The following TRIM54 variants were observed in gnomAD, a reference collection of about 807,000 sequenced individuals.
The protein encoded by TRIM54 is tripartite motif containing 54, also known as tripartite motif-containing protein 54.
TRIM54 carries 40 observed loss-of-function variants against 42.0 expected under a neutral mutation model. The observed-to-expected ratio is 0.95, with a 90% CI of 0.74 to 1.24. The LOEUF (loss-of-function observed/expected upper bound fraction) is 1.24, where lower values mean the gene tolerates loss of function less well. Ranked by LOEUF, TRIM54 falls within the 50% of genes most tolerant of loss-of-function variation. The pLI is 0.00. For missense variants in TRIM54, 485 were observed against 480.3 expected (o/e 1.01, Z -0.09); for synonymous variants, 199 against 194.9 (o/e 1.02, Z -0.17).
chr2:27,305,055 G>T lies in TRIM54; in HGVS notation c.609+1G>T. 1 of 1,613,424 alleles carries T rather than the reference G, an allele frequency of 6.2e-7. No homozygotes were observed. The highest frequency in any genetic ancestry group is 8.5e-7 in the Non-Finnish European group (1 of 1,179,660). On this transcript the variant is annotated splice_donor_variant, in intron 4 of 8. Transcript: ENST00000380075. LOFTEE classifies it high-confidence loss of function. Reference sequence around the variant, plus strand: ...GGAGGAGGTGTGCCAGACTATCGAGGTGAGCCTGGGCTGGAGGGAGGGAGG... The same window carrying T: ...GGAGGAGGTGTGCCAGACTATCGAGTTGAGCCTGGGCTGGAGGGAGGGAGG...
At chr2:27,289,476 C>T (rs943969174) in intron 1 of TRIM54, among the ~76,000 whole-genome samples, 2 of 152,110 alleles carry the variant, frequency 1.3e-5, no homozygotes, top group African/African-American at 4.8e-5. Flanking sequence ...GCCACCACAC[C>T]TGGCTAATTT....
intron 1 of TRIM54, among the ~76,000 whole-genome samples, chr2:27,283,768 A>ACACGCACGCGCGCG (rs1330074571): frequency 2.9e-4 from 27 of 93,924 alleles, no homozygotes; most frequent in Admixed American, 1.2e-3. Context: ...GCAAAGGCAC[A>ACACGCACGCGCGCG]CACACACACA....
At position 27,306,784 on chromosome 2, in the gene TRIM54, G is replaced by C. The variant is rs1679231164; in HGVS notation, c.*2-103G>C. On this transcript the variant is annotated intron_variant, in intron 8 of 8. Transcript: ENST00000380075. The surrounding 1 kb of genome is among the most constrained non-coding windows in gnomAD (Gnocchi z 6.1). ...GCTGGGAGGGCAGGCAAGGCAGGCT[G>C]AGTAGAGGAGAAACCCACGTGGCGG... 1 of 566,320 alleles carries C rather than the reference G, an allele frequency of 1.8e-6. No individual in the cohort carries two copies. The highest frequency in any genetic ancestry group is 1.9e-5 in the African/African-American group (1 of 52,924). The allele number at this position is 566,320 out of a possible 1,614,324, so 35.1% of individuals were successfully genotyped here.
At position 27,306,674 on chromosome 2, in the gene TRIM54, G is replaced by A. The variant is rs773776429; in HGVS notation, c.*1+132G>A. 2.2e-5 allele frequency: 22 copies of A among 988,124 alleles called. No homozygotes were observed. Among genetic ancestry groups the A allele is most frequent in the Non-Finnish European group, 2.9e-5 (20 of 682,676 alleles). The allele number at this position is 988,124 out of a possible 1,614,324, so 61.2% of individuals were successfully genotyped here. A position where few individuals can be genotyped will look rare whatever the true frequency, so the allele number is the denominator to read the frequency against. On this transcript the variant is annotated intron_variant, in intron 8 of 8. Coordinates refer to ENST00000380075, the MANE Select transcript of TRIM54 (RefSeq NM_187841.3). The surrounding 1 kb of genome is among the most constrained non-coding windows in gnomAD (Gnocchi z 6.1). ...GGTAGCGTGGAGCCCCCACTCCTCG[G>A]TGCAACCCAACCCCGGAGCCACAAA...
In TRIM54 at chr2:27,282,653, C is replaced by T. The variant is rs947188823; in HGVS notation, c.-79C>T. On this transcript the variant is annotated 5_prime_UTR_variant, in exon 1 of 9. Transcript: ENST00000380075. ...TGAGCCACAGAAGGGAATCCAGAGG[C>T]CATCTAAGCGAGGAAGGGTCTACAG... 2.7e-6 allele frequency: 4 copies of T among 1,456,642 alleles called. No homozygotes were observed. The highest frequency in any genetic ancestry group is 3.7e-6 in the Non-Finnish European group (4 of 1,087,220). The allele number at this position is 1,456,642 out of a possible 1,614,324, so 90.2% of individuals were successfully genotyped here.
rs1678419960 is a variant in TRIM54 at position 27,282,814 on chromosome 2, T to C, written c.83T>C (p.Ile28Thr). The change falls in exon 1 of 9, where the codon ATC (isoleucine) becomes ACC (threonine). Residue 28 changes from isoleucine to threonine, a missense_variant. By Grantham distance (89) the Ile-to-Thr change is moderately conservative (BLOSUM62 -1). Coordinates refer to ENST00000380075, the MANE Select transcript of TRIM54 (RefSeq NM_187841.3). ...CTGGAGAAGCAGCTCATCTGCCCCA[T>C]CTGCCTGGAGATGTTCTCCAAACCA... ...DNLEKQLICP[I>T]CLEMFSKPVV... 6.2e-7 allele frequency: 1 copy of C among 1,613,932 alleles called. No individual in the cohort carries two copies. The highest frequency in any genetic ancestry group is 1.3e-5 in the African/African-American group (1 of 74,912).
intron 3 of TRIM54, among the ~76,000 whole-genome samples, chr2:27,300,758 C>G (rs1467536786): frequency 6.6e-6 from 1 of 151,948 alleles, no homozygotes; most frequent in Admixed American, 6.6e-5. Context: ...CCCAGCTACT[C>G]GGGAGGCTGA....
intron 3 of TRIM54, among the ~76,000 whole-genome samples, chr2:27,300,676 C>T (rs1462656469): frequency 7.0e-6 from 1 of 141,890 alleles, no homozygotes; most frequent in East Asian, 2.0e-4. Context: ...TTGAGACCAG[C>T]CTGAGCTGTG....
At chr2:27,284,667 G>T (rs1442006071) in intron 1 of TRIM54, among the ~76,000 whole-genome samples, 1 of 152,034 alleles carries the variant, frequency 6.6e-6, no homozygotes, top group Non-Finnish European at 1.5e-5. Context: ...CATCCTTCAG[G>T]CTGAGATGCC....
intron 1 of TRIM54, 83 bp downstream of exon 1, chr2:27,282,982 A>AGGTGATGGATAGAGTGCTCTCTGAGGTG: frequency 6.9e-7 from 1 of 1,441,674 alleles, no homozygotes; most frequent in South Asian, 1.4e-5. Context: ...AGACCCCAGA[A>AGGTGATGGATAGAGTGCTCTCTGAGGTG]GGTGATGGAT....
chr2:27,288,996 G>A (rs542942935), intron 1 of TRIM54, among the ~76,000 whole-genome samples: 6 of 152,298 alleles, frequency 3.9e-5, no homozygotes, highest in Admixed American at 6.5e-5. Flanking sequence ...CAGAAGATAG[G>A]ATTTTTCTAA....
At chr2:27,305,262 G>T (rs1215082150) in intron 4 of TRIM54, 6 of 598,812 alleles carry the variant, frequency 1.0e-5, no homozygotes, top group Admixed American at 5.9e-5. Flanking sequence ...TAACTTCTCT[G>T]TGCTTTGGTT....
Position 27,306,350 on chromosome 2 carries a change from G to A in TRIM54, c.991+13G>A. 1 of 1,614,038 alleles carries A rather than the reference G, an allele frequency of 6.2e-7. No homozygotes were observed. Among genetic ancestry groups the A allele is most frequent in the Non-Finnish European group, 8.5e-7 (1 of 1,179,952 alleles). ...GACTTCCAGCCAGGTGAAGGAGGTG[G>A]CCGAGGGCCGCTGAGACGGGTTCGG... On this transcript the variant is annotated intron_variant, in intron 7 of 8. Coordinates refer to ENST00000380075, the MANE Select transcript of TRIM54 (RefSeq NM_187841.3). The surrounding 1 kb of genome is among the most constrained non-coding windows in gnomAD (Gnocchi z 6.1).
At chr2:27,287,599 C>A (rs555798148) in intron 1 of TRIM54, among the ~76,000 whole-genome samples, 1 of 152,246 alleles carries the variant, frequency 6.6e-6, no homozygotes, top group South Asian at 2.1e-4. Context: ...TCATAGTCCA[C>A]TGTAACCTTG....
chr2:27,296,156 T>A (rs1297456544), intron 1 of TRIM54, among the ~76,000 whole-genome samples: 2 of 152,214 alleles, frequency 1.3e-5, no homozygotes, highest in African/African-American at 4.8e-5. Context: ...CCTACAGCCC[T>A]TGCTACCAAA....
At chr2:27,291,579 T>A (rs988341326) in intron 1 of TRIM54, among the ~76,000 whole-genome samples, 1 of 152,058 alleles carries the variant, frequency 6.6e-6, no homozygotes, top group Non-Finnish European at 1.5e-5. Context: ...GGAAACACAA[T>A]GAGGGCGTCT....
At chr2:27,285,746 A>G (rs1017534284) in intron 1 of TRIM54, among the ~76,000 whole-genome samples, 2 of 152,202 alleles carry the variant, frequency 1.3e-5, no homozygotes, top group Non-Finnish European at 2.9e-5. Context: ...ATAGCTGTGT[A>G]GTTTTCATTG....
Position 27,307,290 on chromosome 2 carries a change from T to G in TRIM54, c.*405T>G, listed in dbSNP as rs1485887084. The G allele has an allele frequency of 1.5e-6, 1 of 680,914 alleles. No homozygotes were observed. The highest frequency in any genetic ancestry group is 2.4e-6 in the Non-Finnish European group (1 of 421,036). 42.2% of individuals were successfully genotyped at this position (680,914 alleles called of 1,614,324 possible). A position where few individuals can be genotyped will look rare whatever the true frequency, so the allele number is the denominator to read the frequency against. ...TGGCTGACCTGGCTGAAAGCCGCTG[T>G]CTCGGAGCCCCCCACAGCATTTTGT... On this transcript the variant is annotated 3_prime_UTR_variant, in exon 9 of 9. Coordinates refer to ENST00000380075, the MANE Select transcript of TRIM54 (RefSeq NM_187841.3). This position sits in a 1 kb window ranked among gnomAD's most constrained non-coding sequence, Gnocchi z 6.9.
Position 27,304,944 on chromosome 2 carries a change from CTGTG to C in TRIM54, c.514-9_514-6del. On this transcript the variant is annotated splice_polypyrimidine_tract_variant and intron_variant, in intron 3 of 8. Coordinates refer to ENST00000380075, the MANE Select transcript of TRIM54 (RefSeq NM_187841.3). Reference sequence around the variant, plus strand: ...CCAGGTCCCAGCTCTGAGTGCTGACCTGTGTGTGTATCAGAGTGAGCTCAGCGAT... The same window carrying C: ...CCAGGTCCCAGCTCTGAGTGCTGACCTGTGTATCAGAGTGAGCTCAGCGAT... 6.2e-7 allele frequency: 1 copy of C among 1,612,614 alleles called. No individual in the cohort carries two copies. The highest frequency in any genetic ancestry group is 8.5e-7 in the Non-Finnish European group (1 of 1,179,028).
Sources: gnomAD v4.1 joint callset for allele counts (sites outside exome capture counted in the v4.1 genomes callset) on GRCh38, gnomAD v4.1.1 for gene constraint, Gnocchi (gnomAD v3.1) non-coding constraint, MANE v1.5 for transcripts, NCBI Gene and HGNC (gene_info 2026-07-23, HGNC 2026-07-21) for gene names.